APCDD1L: variants seen among roughly 807,000 people sequenced by gnomAD.
The protein encoded by APCDD1L is APC down-regulated 1 like.
APCDD1L carries 21 observed loss-of-function variants against 24.2 expected under a neutral mutation model. The observed-to-expected ratio is 0.87, with a 90% CI of 0.61 to 1.25. The LOEUF (loss-of-function observed/expected upper bound fraction) is 1.25, where lower values mean the gene tolerates loss of function less well. APCDD1L is among the 50% of genes most tolerant of loss of function. The pLI is 0.00. For synonymous variants in APCDD1L, 321 were observed against 323.6 expected (o/e 0.99, Z 0.09); for missense variants, 704 against 711.7 (o/e 0.99, Z 0.12).
chr20:58,460,965 C>T lies in APCDD1L; in HGVS notation c.1331G>A (p.Arg444His), dbSNP rs778135452. The T allele has an allele frequency of 1.1e-5, 18 of 1,614,090 alleles. No individual in the cohort carries two copies. The highest frequency in any genetic ancestry group is 8.3e-5 in the Admixed American group (5 of 60,018). ...CAGGGGTGCTTGGTAGGAGGTGGGA[C>T]GTTTCTCTGGGGTATCGGGACTTGA... ...DGSSPDTPEK[R>H]PTSYQAPLVL... Residue 444 changes from arginine (R) to histidine (H), a missense_variant, in exon 4 of 4, where the codon CGT becomes CAT. Coordinates refer to ENST00000371149, the MANE Select transcript of APCDD1L (RefSeq NM_153360.3). This position sits in a 1 kb window ranked among gnomAD's most constrained non-coding sequence, Gnocchi z 4.2.
At position 58,494,653 on chromosome 20, in the gene APCDD1L, A is replaced by AAAGTATACATATAC. The variant is rs1156331394; in HGVS notation, c.49+19992_49+20005dup. Among the ~76,000 whole-genome samples the AAAGTATACATATAC allele has an allele frequency of 3.3e-5, 5 of 152,102 alleles. No individual in the cohort carries two copies. Among genetic ancestry groups the AAAGTATACATATAC allele is most frequent in the African/African-American group, 1.2e-4 (5 of 41,394 alleles). ...TGTGCCTGGCTGTCAACTGTGTTTC[A>AAAGTATACATATAC]AAGTATACATATACTTTGTAGTCCT... On this transcript the variant is annotated intron_variant, in intron 1 of 3. Coordinates refer to ENST00000371149, the MANE Select transcript of APCDD1L (RefSeq NM_153360.3). The surrounding 1 kb of genome is among the most constrained non-coding windows in gnomAD (Gnocchi z 4.8).
At position 58,460,708 on chromosome 20, in the gene APCDD1L, G is replaced by T. The variant is rs148627234; in HGVS notation, c.*82C>A. 621 of 1,435,394 alleles carry T rather than the reference G, an allele frequency of 4.3e-4. 1 individual carries two copies. The African/African-American group carries it at 7.8e-3, about 18-fold the overall frequency. 88.9% of individuals were successfully genotyped at this position (1,435,394 alleles called of 1,614,324 possible). A position where few individuals can be genotyped will look rare whatever the true frequency, so the allele number is the denominator to read the frequency against. On this transcript the variant is annotated 3_prime_UTR_variant, in exon 4 of 4. Coordinates refer to ENST00000371149, the MANE Select transcript of APCDD1L (RefSeq NM_153360.3). This position sits in a 1 kb window ranked among gnomAD's most constrained non-coding sequence, Gnocchi z 4.2. ...ATCCATGACAGAGCAGAGGAGAATG[G>T]TTCCTTCCCTACAGCTGCCAGGAGG... is the stretch of plus-strand genomic sequence containing the variant.
At chr20:58,498,302 T>G (rs1990363472) in intron 1 of APCDD1L, among the ~76,000 whole-genome samples, 2 of 152,164 alleles carry the variant, frequency 1.3e-5, no homozygotes, top group South Asian at 4.1e-4. Flanking sequence ...AGGGCAGCAT[T>G]CTAATCCAAG....
rs1438540639 is a variant in APCDD1L at position 58,461,551 on chromosome 20, G to A, written c.745C>T (p.His249Tyr). The part of the protein sequence containing the change: ...YQRPLQSALH[H>Y]VQPCPACGLI... Reference sequence around the variant, plus strand: ...CCACAGGCTGGGCACGGCTGCACGTGGTGCTGGCAAAAGACAAACAGAAAA... The same window carrying A: ...CCACAGGCTGGGCACGGCTGCACGTAGTGCTGGCAAAAGACAAACAGAAAA... The change falls in exon 4 of 4, where the codon CAC becomes TAC. Residue 249 changes from histidine to tyrosine, a missense_variant. Transcript: ENST00000371149. The surrounding 1 kb of genome is among the most constrained non-coding windows in gnomAD (Gnocchi z 6.0). The A allele has an allele frequency of 5.6e-6, 8 of 1,419,566 alleles. No individual in the cohort carries two copies. Among genetic ancestry groups the A allele is most frequent in the Non-Finnish European group, 9.3e-7 (1 of 1,080,552 alleles). The allele number at this position is 1,419,566 out of a possible 1,614,324, so 87.9% of individuals were successfully genotyped here.
At chr20:58,487,109 C>A (rs1235054969) in intron 1 of APCDD1L, among the ~76,000 whole-genome samples, 1 of 151,454 alleles carries the variant, frequency 6.6e-6, no homozygotes. Context: ...AAATAACAAG[C>A]AAAGAATTGG....
chr20:58,493,663 A>G (rs111995307), intron 1 of APCDD1L, among the ~76,000 whole-genome samples: 5,653 of 152,272 alleles, frequency 0.037, 314 homozygotes, highest in African/African-American at 0.12. Flanking sequence ...GCTAAAAAAA[A>G]TACCCCGTTT....
chr20:58,466,483 C>G (rs775598344), intron 3 of APCDD1L, among the ~76,000 whole-genome samples: 3 of 152,220 alleles, frequency 2.0e-5, no homozygotes, highest in Non-Finnish European at 4.4e-5. Flanking sequence ...ACTGAGATTT[C>G]GAGGGGGTGG....
At chr20:58,493,475 A>G (rs1990262824) in intron 1 of APCDD1L, among the ~76,000 whole-genome samples, 1 of 152,254 alleles carries the variant, frequency 6.6e-6, no homozygotes, top group East Asian at 1.9e-4. Context: ...GAAGAAGAGA[A>G]AAATAACTTG....
chr20:58,495,622 G>A (rs931836217), intron 1 of APCDD1L, among the ~76,000 whole-genome samples: 1 of 152,192 alleles, frequency 6.6e-6, no homozygotes, highest in African/African-American at 2.4e-5. Flanking sequence ...CCCCTTCTGA[G>A]TGAGGTGGCT....
intron 1 of APCDD1L, among the ~76,000 whole-genome samples, chr20:58,471,440 C>T (rs373325443): frequency 6.6e-5 from 10 of 152,234 alleles, no homozygotes; most frequent in African/African-American, 2.4e-4. Context: ...TTCAGGGCTC[C>T]GTCCCTAAGC....
chr20:58,504,645 C>T (rs768352902), intron 1 of APCDD1L, among the ~76,000 whole-genome samples: 3 of 152,154 alleles, frequency 2.0e-5, no homozygotes, highest in Non-Finnish European at 4.4e-5. Flanking sequence ...CCTCAGTCAC[C>T]CTAGTGGGGT....
At chr20:58,484,756 C>G (rs990775964) in intron 1 of APCDD1L, among the ~76,000 whole-genome samples, 3 of 152,118 alleles carry the variant, frequency 2.0e-5, no homozygotes, top group African/African-American at 7.2e-5. Flanking sequence ...CCAATAAAAA[C>G]AGGCTAAACT....
chr20:58,514,782 G>A lies in APCDD1L; in HGVS notation c.-75C>T. ...GGGGAGGCGCGGGCGCAGGGCTCTCGGACGGCTGCGGGCGCCGGCGGCCAG... is the reference window on the plus strand; with the variant it reads ...GGGGAGGCGCGGGCGCAGGGCTCTCAGACGGCTGCGGGCGCCGGCGGCCAG... On this transcript the variant is annotated 5_prime_UTR_variant, in exon 1 of 4. Coordinates refer to ENST00000371149, the MANE Select transcript of APCDD1L (RefSeq NM_153360.3). The A allele has an allele frequency of 8.4e-7, 1 of 1,191,558 alleles. No individual in the cohort carries two copies. Among genetic ancestry groups the A allele is most frequent in the African/African-American group, 1.6e-5 (1 of 63,434 alleles). 73.8% of individuals were successfully genotyped at this position (1,191,558 alleles called of 1,614,324 possible).
chr20:58,487,196 G>T (rs1053127000), intron 1 of APCDD1L, among the ~76,000 whole-genome samples: 1 of 151,942 alleles, frequency 6.6e-6, no homozygotes, highest in African/African-American at 2.4e-5. Context: ...GAAAAGGACA[G>T]AACAAAAATA....
rs1481985307 is a variant in APCDD1L at position 58,467,143 on chromosome 20, C to G, written c.704G>C (p.Arg235Pro). The change falls in exon 3 of 4, where the codon CGG (arginine) becomes CCG (proline). Residue 235 changes from arginine (R) to proline (P), a missense_variant. Coordinates refer to ENST00000371149, the MANE Select transcript of APCDD1L (RefSeq NM_153360.3). The surrounding 1 kb of genome is among the most constrained non-coding windows in gnomAD (Gnocchi z 5.9). ...CAGCGGGCGCTGGTAGCCCGTGGGC[C>G]GGTAGTGCCGCCTCTCCGCCGGGTC... ...HTDPAERRHY[R>P]PTGYQRPLQS... 16 of 1,608,006 alleles carry G rather than the reference C, an allele frequency of 1.0e-5. No individual in the cohort carries two copies. Among genetic ancestry groups the G allele is most frequent in the African/African-American group, 1.3e-5 (1 of 74,800 alleles).
At chr20:58,481,802 G>A (rs1726552057) in intron 1 of APCDD1L, among the ~76,000 whole-genome samples, 1 of 152,198 alleles carries the variant, frequency 6.6e-6, no homozygotes, top group Admixed American at 6.5e-5. Flanking sequence ...GCGGAAGAAG[G>A]AGCCCACCAA....
At chr20:58,476,049 G>A (rs540328800) in intron 1 of APCDD1L, among the ~76,000 whole-genome samples, 7 of 152,310 alleles carry the variant, frequency 4.6e-5, no homozygotes, top group Admixed American at 2.0e-4. Flanking sequence ...GGTACTGGGG[G>A]TTAGGACTCG....
Position 58,483,802 on chromosome 20 carries a change from G to T in APCDD1L, c.50-13055C>A, listed in dbSNP as rs1370593789. On this transcript the variant is annotated intron_variant, in intron 1 of 3. Coordinates refer to ENST00000371149, the MANE Select transcript of APCDD1L (RefSeq NM_153360.3). ...TTCAATTCATGAGCGAGGAGGTGAG[G>T]CTGGGGCCAAAGATGGGGAGGCCAC... is the stretch of plus-strand genomic sequence containing the variant. 5.9e-5 allele frequency among the ~76,000 whole-genome samples: 9 copies of T among 152,170 alleles called. No homozygotes were observed. The South Asian group carries it at 1.9e-3, about 32-fold the overall frequency.
At chr20:58,506,422 C>T (rs1990529017) in intron 1 of APCDD1L, among the ~76,000 whole-genome samples, 1 of 152,180 alleles carries the variant, frequency 6.6e-6, no homozygotes, top group African/African-American at 2.4e-5. Context: ...GTCACCTTTG[C>T]AAATGGTATG....
Sources: gnomAD v4.1 joint callset for allele counts (sites outside exome capture counted in the v4.1 genomes callset) on GRCh38, gnomAD v4.1.1 for gene constraint, Gnocchi (gnomAD v3.1) non-coding constraint, MANE v1.5 for transcripts, NCBI Gene and HGNC (gene_info 2026-07-23, HGNC 2026-07-21) for gene names.